The following RAPGEF2 variants were observed in gnomAD, a reference collection of about 807,000 sequenced individuals.
RAPGEF2 encodes Rap guanine nucleotide exchange factor 2.
In RAPGEF2, 54 loss-of-function variants were observed where a neutral mutation model predicts 186.7. The ratio of observed to expected loss-of-function variants is 0.29; its 90% CI spans 0.23 to 0.36. The LOEUF is 0.36. RAPGEF2 is among the 10% of genes least tolerant of loss of function. The pLI is 1.00. For missense variants in RAPGEF2, 1,532 were observed against 2,045.0 expected (o/e 0.75, Z 4.84); for synonymous variants, 712 against 705.9 (o/e 1.01, Z -0.14).
At position 159,138,564 on chromosome 4, in the gene RAPGEF2, A is replaced by T. The variant is rs143182800; in HGVS notation, c.69+34333A>T. On this transcript the variant is annotated intron_variant, in intron 1 of 29. Coordinates refer to ENST00000691494, the MANE Select transcript of RAPGEF2 (RefSeq NM_001394067.2). ...TCTTTGGCTTGAGTAAATAGATGGTACTAAATAAGTGAAATGATCTCTTGT... is the reference window on the plus strand; with the variant it reads ...TCTTTGGCTTGAGTAAATAGATGGTTCTAAATAAGTGAAATGATCTCTTGT... 2.7e-3 allele frequency among the ~76,000 whole-genome samples: 410 copies of T among 152,320 alleles called. 1 individual carries two copies. The highest frequency in any genetic ancestry group is 9.2e-3 in the African/African-American group (383 of 41,576).
Position 159,334,343 on chromosome 4 carries a change from A to T in RAPGEF2, c.2135+1646A>T, listed in dbSNP as rs191970495. On this transcript the variant is annotated intron_variant, in intron 17 of 29. Transcript: ENST00000691494. Reference sequence around the variant, plus strand: ...TGCTCACTGCAACCTTCACCTCCTGAGCTCAAGCAATTCTCATTCCTTAGC... The same window carrying T: ...TGCTCACTGCAACCTTCACCTCCTGTGCTCAAGCAATTCTCATTCCTTAGC... Among the ~76,000 whole-genome samples the T allele has an allele frequency of 6.2e-4, 94 of 152,236 alleles. 2 individuals are homozygous for T. The South Asian group carries it at 0.019, about 31-fold the overall frequency.
intron 9 of RAPGEF2, among the ~76,000 whole-genome samples, chr4:159,321,716 A>C (rs1765255569): frequency 6.6e-6 from 1 of 152,194 alleles, no homozygotes; most frequent in African/African-American, 2.4e-5. Context: ...AACAGCTAGA[A>C]CCCTACCAAA....
At chr4:159,189,782 G>T (rs555794314) in intron 2 of RAPGEF2, among the ~76,000 whole-genome samples, 1 of 151,814 alleles carries the variant, frequency 6.6e-6, no homozygotes, top group East Asian at 1.9e-4. Flanking sequence ...TCATATAAGA[G>T]ATTTTATCAT....
rs187590244 is a variant in RAPGEF2, at chr4:159,124,114, C to T, written c.69+19883C>T. 8.0e-4 allele frequency among the ~76,000 whole-genome samples: 121 copies of T among 152,194 alleles called. 1 individual carries two copies. In the East Asian group the frequency reaches 0.021, roughly 27 times the overall value. Reference sequence around the variant, plus strand: ...AGGTGATCTGCCTGCCTCCATCTCCCAAAGTGCTGGGATTACGGGCGTGAG... The same window carrying T: ...AGGTGATCTGCCTGCCTCCATCTCCTAAAGTGCTGGGATTACGGGCGTGAG... On this transcript the variant is annotated intron_variant, in intron 1 of 29. Coordinates refer to ENST00000691494, the MANE Select transcript of RAPGEF2 (RefSeq NM_001394067.2).
At chr4:159,232,572 A>C (rs1752767638) in intron 4 of RAPGEF2, among the ~76,000 whole-genome samples, 3 of 152,186 alleles carry the variant, frequency 2.0e-5, no homozygotes. Flanking sequence ...GGCTACTGTG[A>C]ATAATGTTGC....
chr4:159,320,538 G>A (rs139144374), intron 9 of RAPGEF2, among the ~76,000 whole-genome samples: 1 of 152,250 alleles, frequency 6.6e-6, no homozygotes, highest in East Asian at 1.9e-4. Context: ...GTGCAACACT[G>A]TCCTATTGGA....
intron 7 of RAPGEF2, 144 bp downstream of exon 7, chr4:159,243,935 G>C: frequency 1.9e-6 from 1 of 530,976 alleles, no homozygotes; most frequent in Non-Finnish European, 3.2e-6. Flanking sequence ...GAAATTATCA[G>C]TGGTTTGGGT....
chr4:159,240,397 G>A (rs947097830), intron 5 of RAPGEF2, among the ~76,000 whole-genome samples: 5 of 137,508 alleles, frequency 3.6e-5, no homozygotes, highest in African/African-American at 8.7e-5. Flanking sequence ...GCAGTGGCGC[G>A]ATCTCAGCTC....
At chr4:159,336,623 C>G (rs927437186) in intron 17 of RAPGEF2, among the ~76,000 whole-genome samples, 3 of 151,968 alleles carry the variant, frequency 2.0e-5, no homozygotes, top group Admixed American at 6.6e-5. Context: ...TTGTGCTGCT[C>G]TAAACAAAAC....
At chr4:159,255,695 G>C (rs1756076628) in intron 7 of RAPGEF2, among the ~76,000 whole-genome samples, 1 of 152,060 alleles carries the variant, frequency 6.6e-6, no homozygotes, top group Non-Finnish European at 1.5e-5. Flanking sequence ...TTTTTGGGTA[G>C]AGATTTTTTT....
intron 7 of RAPGEF2, among the ~76,000 whole-genome samples, chr4:159,293,993 C>T (rs192686080): frequency 3.3e-4 from 51 of 152,242 alleles, no homozygotes; most frequent in African/African-American, 1.1e-3. Flanking sequence ...CCGGAAGGGA[C>T]GTTGGGAAAT....
chr4:159,334,900 G>A (rs1428664473), intron 17 of RAPGEF2, among the ~76,000 whole-genome samples: 2 of 152,100 alleles, frequency 1.3e-5, no homozygotes, highest in Non-Finnish European at 2.9e-5. Flanking sequence ...GATTTATCAT[G>A]AAAATTATTT....
intron 1 of RAPGEF2, among the ~76,000 whole-genome samples, chr4:159,184,451 G>A (rs1450592836): frequency 2.0e-5 from 3 of 152,120 alleles, no homozygotes; most frequent in African/African-American, 7.2e-5. Context: ...GTGTGAGATG[G>A]TATCTCATTG....
chr4:159,200,064 A>G (rs181783634), intron 3 of RAPGEF2, among the ~76,000 whole-genome samples: 2 of 144,212 alleles, frequency 1.4e-5, no homozygotes, highest in African/African-American at 5.5e-5. Flanking sequence ...CTCTCTCTAT[A>G]TATATATATA....
rs1747582186 is a variant in RAPGEF2, at chr4:159,186,635, G to A, written c.70-7G>A. ...TCTAATAATTTCTATTCTTTTCTTT[G>A]AAACAGGATCTGGAAATAGTATATT... is the stretch of plus-strand genomic sequence containing the variant. On this transcript the variant is annotated splice_region_variant and splice_polypyrimidine_tract_variant and intron_variant, in intron 1 of 29. Coordinates refer to ENST00000691494, the MANE Select transcript of RAPGEF2 (RefSeq NM_001394067.2). The A allele has an allele frequency of 3.6e-6, 5 of 1,395,388 alleles. No individual in the cohort carries two copies. The East Asian group carries it at 1.3e-4, about 37-fold the overall frequency. 86.4% of individuals were successfully genotyped at this position (1,395,388 alleles called of 1,614,324 possible). A position where few individuals can be genotyped will look rare whatever the true frequency, so the allele number is the denominator to read the frequency against.
intron 9 of RAPGEF2, among the ~76,000 whole-genome samples, chr4:159,319,046 T>A (rs1764934222): frequency 6.6e-6 from 1 of 152,208 alleles, no homozygotes; most frequent in South Asian, 2.1e-4. Flanking sequence ...TTTTCCTTTG[T>A]CCTGAGGATT....
chr4:159,223,254 A>C (rs1751709815), intron 4 of RAPGEF2, among the ~76,000 whole-genome samples: 1 of 152,162 alleles, frequency 6.6e-6, no homozygotes, highest in South Asian at 2.1e-4. Flanking sequence ...AATAGAAAAT[A>C]GAATTTCTGC....
intron 1 of RAPGEF2, among the ~76,000 whole-genome samples, chr4:159,175,661 C>G (rs1050962423): frequency 1.1e-4 from 16 of 152,124 alleles, no homozygotes; most frequent in African/African-American, 2.9e-4. Context: ...GACTCACTTG[C>G]GAGACCGGCG....
intron 8 of RAPGEF2, among the ~76,000 whole-genome samples, chr4:159,311,333 T>C (rs1763929183): frequency 1.3e-5 from 2 of 152,294 alleles, no homozygotes; most frequent in South Asian, 2.1e-4. Flanking sequence ...TTTACAAATA[T>C]ATAAGGAGAG....
Sources: allele counts gnomAD v4.1 joint callset (sites outside exome capture counted in the v4.1 genomes callset), GRCh38; gene constraint gnomAD v4.1.1; transcripts MANE v1.5; gene names NCBI Gene and HGNC (gene_info 2026-07-23, HGNC 2026-07-21).